PCDHA9: variants seen among roughly 807,000 people sequenced by gnomAD.
PCDHA9 encodes protocadherin alpha 9.
In PCDHA9, 62 loss-of-function variants were observed where a neutral mutation model predicts 62.0. The ratio of observed to expected loss-of-function variants is 1.00; its 90% CI spans 0.81 to 1.23. PCDHA9 has a LOEUF of 1.23. PCDHA9 is among the 50% of genes most tolerant of loss of function. The probability of loss-of-function intolerance (pLI) is 0.00; values close to 1 mark genes in which losing one functional copy is unlikely to be tolerated. For synonymous variants in PCDHA9, 557 were observed against 567.6 expected (o/e 0.98, Z 0.27); for missense variants, 1,205 against 1,249.8 (o/e 0.96, Z 0.54).
chr5:140,869,136 C>T (rs1554162510), intron 1 of PCDHA9: 5 of 1,613,054 alleles, frequency 3.1e-6, no homozygotes, highest in South Asian at 1.1e-5. Context: ...GATTGGGCAC[C>T]CCACGACTAC....
chr5:140,909,601 C>G (rs1554193864), intron 1 of PCDHA9, among the ~76,000 whole-genome samples: 1 of 152,170 alleles, frequency 6.6e-6, no homozygotes, highest in Non-Finnish European at 1.5e-5. Context: ...TACTATTTTT[C>G]TAGGTAGAGG....
At chr5:140,894,505 C>T (rs1054272448) in intron 1 of PCDHA9, among the ~76,000 whole-genome samples, 9 of 151,570 alleles carry the variant, frequency 5.9e-5, no homozygotes, top group Non-Finnish European at 2.9e-5. Context: ...AGGCATTATC[C>T]ATAGTGTTTA....
intron 1 of PCDHA9, chr5:140,870,262 T>C (rs2051814541): frequency 6.2e-7 from 1 of 1,614,182 alleles, no homozygotes; most frequent in Non-Finnish European, 8.5e-7. Context: ...GGTGACCTGC[T>C]CGCTGACGCC....
At chr5:140,893,104 T>A (rs2063818844) in intron 1 of PCDHA9, among the ~76,000 whole-genome samples, 1 of 152,224 alleles carries the variant, frequency 6.6e-6, no homozygotes, top group South Asian at 2.1e-4. Flanking sequence ...TGGATAATAT[T>A]CCGTTGTGCA....
At chr5:140,869,682 A>AGG in intron 1 of PCDHA9, 3 of 1,613,466 alleles carry the variant, frequency 1.9e-6, no homozygotes, top group Non-Finnish European at 2.5e-6. Context: ...AAAGACTGTC[A>AGG]CTTATTTTAA....
intron 1 of PCDHA9, chr5:140,861,242 A>T (rs1554154320): frequency 6.0e-6 from 1 of 165,896 alleles, no homozygotes; most frequent in African/African-American, 2.4e-5. Context: ...TGCTAGACAA[A>T]GTGGCCAGGA....
chr5:140,879,366 C>A (rs1363345702), intron 1 of PCDHA9, among the ~76,000 whole-genome samples: 1 of 152,156 alleles, frequency 6.6e-6, no homozygotes, highest in East Asian at 1.9e-4. Flanking sequence ...CATTAACCAA[C>A]CTGCAGAACA....
chr5:140,870,221 T>C (rs1554163925), intron 1 of PCDHA9: 2 of 1,614,012 alleles, frequency 1.2e-6, no homozygotes, highest in Admixed American at 3.3e-5. Context: ...CTGATCAGCG[T>C]GTCTGACCGT....
rs1364522984 is a variant in PCDHA9 at position 140,856,543 on chromosome 5, A to G, written c.2394+5654A>G. 5.0e-6 allele frequency: 8 copies of G among 1,598,190 alleles called. No homozygotes were observed. In the African/African-American group the frequency reaches 6.7e-5, roughly 13 times the overall value. The stretch of plus-strand genomic sequence containing the variant: ...CTGATGCGGATGTTGGAGAGAACGC[A>G]TTGCTTACTTACAAACTCAGTCCAA... On this transcript the variant is annotated intron_variant, in intron 1 of 3. Transcript: ENST00000532602.
chr5:140,880,891 C>T (rs1475261918), intron 1 of PCDHA9, among the ~76,000 whole-genome samples: 2 of 151,984 alleles, frequency 1.3e-5, no homozygotes, highest in Non-Finnish European at 2.9e-5. Flanking sequence ...AATGTAGGGC[C>T]AGATAGAAAG....
Position 140,870,644 on chromosome 5 carries a change from G to A in PCDHA9, c.2394+19755G>A, listed in dbSNP as rs782672271. ...TACGTGTCGGTGCACGCGGAGAGCG[G>A]CAAGGTGTACGCGCTGCAGCCGTTG... is the stretch of plus-strand genomic sequence containing the variant. On this transcript the variant is annotated intron_variant, in intron 1 of 3. Transcript: ENST00000532602. 8.7e-6 allele frequency: 14 copies of A among 1,612,768 alleles called. No homozygotes were observed. In the South Asian group the frequency reaches 1.4e-4, roughly 16 times the overall value.
rs1486242200 is a variant in PCDHA9, at chr5:140,900,929, A to G, written c.2394+50040A>G. ...CTGTGGTAAGATGATATCTCATTGT[A>G]GTTTTGATTTGCATTTCTCTGATTA... On this transcript the variant is annotated intron_variant, in intron 1 of 3. Coordinates refer to ENST00000532602, the MANE Select transcript of PCDHA9 (RefSeq NM_031857.2). Among the ~76,000 whole-genome samples, 8 of 152,104 alleles carry G rather than the reference A, an allele frequency of 5.3e-5. No individual in the cohort carries two copies. The East Asian group carries it at 1.5e-3, about 29-fold the overall frequency.
At chr5:140,875,561 A>G in intron 1 of PCDHA9, 1 of 1,614,128 alleles carries the variant, frequency 6.2e-7, no homozygotes, top group Non-Finnish European at 8.5e-7. Flanking sequence ...GGGAGCGGCC[A>G]GCTCCACTAC....
intron 1 of PCDHA9, among the ~76,000 whole-genome samples, chr5:140,932,192 TTC>T (rs2088100364): frequency 6.6e-6 from 1 of 151,968 alleles, no homozygotes. Context: ...GTCCATTTTT[TTC>T]TGTTAATATT....
chr5:140,925,299 T>C (rs2082428309), intron 1 of PCDHA9, among the ~76,000 whole-genome samples: 1 of 152,200 alleles, frequency 6.6e-6, no homozygotes, highest in African/African-American at 2.4e-5. Context: ...GTTTCATTAT[T>C]GGGGCTTTGG....
At chr5:140,999,001 C>T (rs1405051280) in intron 3 of PCDHA9, among the ~76,000 whole-genome samples, 3 of 152,214 alleles carry the variant, frequency 2.0e-5, no homozygotes, top group Non-Finnish European at 4.4e-5. Flanking sequence ...AATGCTGGAG[C>T]TGAGATTTGA....
At chr5:140,858,053 G>C (rs1233644213) in intron 1 of PCDHA9, 5 of 1,597,600 alleles carry the variant, frequency 3.1e-6, no homozygotes, top group Non-Finnish European at 4.3e-6. Flanking sequence ...TGTGTCGCTT[G>C]TGGAGGGCAG....
chr5:140,969,542 C>T, intron 1 of PCDHA9: 1 of 1,279,490 alleles, frequency 7.8e-7, no homozygotes, highest in South Asian at 1.6e-5. Flanking sequence ...TTTTCAGAGG[C>T]ATGAAGCCTT....
At chr5:140,901,340 T>G (rs1306421981) in intron 1 of PCDHA9, among the ~76,000 whole-genome samples, 1 of 152,206 alleles carries the variant, frequency 6.6e-6, no homozygotes, top group Non-Finnish European at 1.5e-5. Context: ...CGTTTTATAG[T>G]TTGATGTCTT....
Sources: allele counts gnomAD v4.1 joint callset (sites outside exome capture counted in the v4.1 genomes callset), GRCh38; gene constraint gnomAD v4.1.1; transcripts MANE v1.5; gene names NCBI Gene and HGNC (gene_info 2026-07-23, HGNC 2026-07-21).